The following GBP7 variants were observed in gnomAD, a reference collection of about 807,000 sequenced individuals.
The protein encoded by GBP7 is guanylate binding protein 7, also known as guanylate-binding protein 7.
A neutral mutation model predicts 61.3 loss-of-function variants in GBP7; 43 were observed. The observed-to-expected ratio is 0.70, with a 90% CI of 0.55 to 0.91. The LOEUF (loss-of-function observed/expected upper bound fraction) is 0.91, where lower values mean the gene tolerates loss of function less well. Ranked by LOEUF, GBP7 falls within the 40% of genes least tolerant of loss-of-function variation. GBP7 has a pLI of 0.00. For missense variants in GBP7, 717 were observed against 740.5 expected, an observed-to-expected ratio of 0.97 and a Z score of 0.37; for synonymous variants, 267 against 271.0, an observed-to-expected ratio of 0.99 and a Z score of 0.14.
chr1:89,147,848 CTT>C (rs1682104593), intron 7 of GBP7, 69 bp from the exon 8 acceptor site: 8 of 1,525,674 alleles, frequency 5.2e-6, no homozygotes. Context: ...CTGTGATCCT[CTT>C]GGAAGAAGTA....
chr1:89,161,151 G>T (rs560529096), intron 3 of GBP7, among the ~76,000 whole-genome samples: 1 of 152,228 alleles, frequency 6.6e-6, no homozygotes, highest in East Asian at 1.9e-4. Flanking sequence ...TAGTGTATAT[G>T]TACCACATTT....
Position 89,150,723 on chromosome 1 carries a change from C to T in GBP7, c.626-148G>A, listed in dbSNP as rs1281818704. 3 of 793,446 alleles carry T rather than the reference C, an allele frequency of 3.8e-6. No homozygotes were observed. The East Asian group carries it at 7.7e-5, about 20-fold the overall frequency. The allele number at this position is 793,446 out of a possible 1,614,324, so 49.2% of individuals were successfully genotyped here. A position where few individuals can be genotyped will look rare whatever the true frequency, so the allele number is the denominator to read the frequency against. Reference sequence around the variant, plus strand: ...TAATCAAACCTCTCATGCAACCAAACTTATGCTAATCTACTTAAGGTATGA... The same window carrying T: ...TAATCAAACCTCTCATGCAACCAAATTTATGCTAATCTACTTAAGGTATGA... On this transcript the variant is annotated intron_variant, in intron 5 of 10. Coordinates refer to ENST00000294671, the MANE Select transcript of GBP7 (RefSeq NM_207398.3).
chr1:89,152,821 A>T, intron 3 of GBP7, 44 bp from the exon 4 acceptor site: 1 of 1,490,432 alleles, frequency 6.7e-7, no homozygotes, highest in East Asian at 2.3e-5. Flanking sequence ...GCCACAGTTT[A>T]GATACATCTC....
At chr1:89,136,902 C>A (rs1466914852) in intron 9 of GBP7, among the ~76,000 whole-genome samples, 1 of 151,788 alleles carries the variant, frequency 6.6e-6, no homozygotes, top group Non-Finnish European at 1.5e-5. Flanking sequence ...GGATATACTT[C>A]TAGTTAGACT....
intron 3 of GBP7, among the ~76,000 whole-genome samples, chr1:89,153,878 A>G (rs938692791): frequency 4.6e-5 from 7 of 152,358 alleles, no homozygotes; most frequent in Middle Eastern, 3.4e-3. Context: ...TAAGGAGTAC[A>G]TAAAATCAGG....
chr1:89,165,530 A>C (rs1158909071), intron 2 of GBP7, among the ~76,000 whole-genome samples: 2 of 151,580 alleles, frequency 1.3e-5, no homozygotes, highest in African/African-American at 4.9e-5. Context: ...AAAAGCCAGA[A>C]GTGATTAAGT....
chr1:89,133,709 T>C (rs192894026), intron 9 of GBP7, among the ~76,000 whole-genome samples: 1 of 152,316 alleles, frequency 6.6e-6, no homozygotes, highest in Admixed American at 6.5e-5. Flanking sequence ...TTCCTAATCC[T>C]GAGCAGCTCC....
chr1:89,144,949 ACT>A (rs1682032868), intron 8 of GBP7, among the ~76,000 whole-genome samples: 1 of 115,684 alleles, frequency 8.6e-6, no homozygotes, highest in South Asian at 2.9e-4. Flanking sequence ...TGTGACTTTC[ACT>A]CTTTTTTTTT....
At chr1:89,141,780 T>C (rs1681957861) in intron 8 of GBP7, 132 bp from the exon 9 acceptor site, 1 of 687,178 alleles carries the variant, frequency 1.5e-6, no homozygotes, top group Admixed American at 2.6e-5. Context: ...TCCACAGTGG[T>C]TTCTTTCCTT....
In GBP7 at chr1:89,171,904, A is replaced by G; in HGVS notation, c.32T>C (p.Val11Ala). 1.2e-6 allele frequency: 2 copies of G among 1,613,320 alleles called. No homozygotes were observed. Among genetic ancestry groups the G allele is most frequent in the East Asian group, 4.5e-5 (2 of 44,880 alleles). Residue 11 changes from valine to alanine, a missense_variant, in exon 2 of 11, where the codon GTG becomes GCG. By Grantham distance (64) the Val-to-Ala change is moderately conservative (BLOSUM62 0). Around this residue, in one of 3 missense-constraint regions of GBP7, gnomAD observed 387 missense variants for 385.2 expected, o/e 1.00. Transcript: ENST00000294671. ...CCCTTTAGTGTTCTCAGTGAGGCAC[A>G]CTGGGCCTGGCATGTGGATCTCTGA... MASEIHMPGP[V>A]CLTENTKGHL...
At chr1:89,165,974 G>A (rs974071480) in intron 2 of GBP7, among the ~76,000 whole-genome samples, 1 of 152,104 alleles carries the variant, frequency 6.6e-6, no homozygotes, top group Non-Finnish European at 1.5e-5. Flanking sequence ...GGGACAGTGG[G>A]AAACCCCCTC....
chr1:89,159,042 C>T (rs1206326169), intron 3 of GBP7, among the ~76,000 whole-genome samples: 1 of 152,124 alleles, frequency 6.6e-6, no homozygotes, highest in Non-Finnish European at 1.5e-5. Context: ...AAACAGAGCC[C>T]TCGGAAATAA....
chr1:89,170,201 GT>G (rs1229984404), intron 2 of GBP7, among the ~76,000 whole-genome samples: 1 of 152,160 alleles, frequency 6.6e-6, no homozygotes, highest in Non-Finnish European at 1.5e-5. Flanking sequence ...ATCTTACCCA[GT>G]TCCACATGGT....
intron 8 of GBP7, 75 bp downstream of exon 8, chr1:89,147,492 T>C (rs1682095326): frequency 1.9e-5 from 22 of 1,153,904 alleles, no homozygotes; most frequent in Non-Finnish European, 6.5e-6. Flanking sequence ...GCTGTGTTCT[T>C]AGATTTTCAG....
rs1211255239 is a variant in GBP7 at position 89,145,922 on chromosome 1, T to G, written c.1365+1645A>C. 3.3e-5 allele frequency among the ~76,000 whole-genome samples: 5 copies of G among 152,156 alleles called. No homozygotes were observed. The East Asian group carries it at 9.6e-4, about 29-fold the overall frequency. ...AAAAAAAATCTACAGGTTTACACAA[T>G]TTCTATCAAAATTCCAATGGTGTTT... On this transcript the variant is annotated intron_variant, in intron 8 of 10. Transcript: ENST00000294671.
intron 1 of GBP7, 61 bp from the exon 2 acceptor site, chr1:89,172,015 A>C (rs935201530): frequency 1.6e-5 from 18 of 1,108,820 alleles, no homozygotes; most frequent in Non-Finnish European, 2.3e-5. Context: ...TGAAATCTAT[A>C]ATAGGGCATA....
intron 3 of GBP7, among the ~76,000 whole-genome samples, chr1:89,158,074 C>T (rs534939051): frequency 2.0e-5 from 3 of 152,198 alleles, no homozygotes; most frequent in African/African-American, 7.2e-5. Context: ...AATCAATAAA[C>T]GTAATCCATC....
At chr1:89,143,594 G>T (rs544443253) in intron 8 of GBP7, among the ~76,000 whole-genome samples, 7 of 152,094 alleles carry the variant, frequency 4.6e-5, no homozygotes, top group Non-Finnish European at 1.0e-4. Context: ...TCATAGTTCT[G>T]CAGGCTTTAC....
chr1:89,174,910 G>C (rs770858836), intron 1 of GBP7, among the ~76,000 whole-genome samples: 1 of 152,258 alleles, frequency 6.6e-6, no homozygotes, highest in South Asian at 2.1e-4. Flanking sequence ...ACCATGGCTT[G>C]TTTTTTGTCT....
Sources: gnomAD v4.1 joint callset for allele counts (sites outside exome capture counted in the v4.1 genomes callset) on GRCh38, gnomAD v4.1.1 for gene constraint, gnomAD v4.1.1 regional missense constraint, MANE v1.5 for transcripts, NCBI Gene and HGNC (gene_info 2026-07-23, HGNC 2026-07-21) for gene names.